Variants in NCAM2 observed in about 807,000 individuals in gnomAD.
The protein encoded by NCAM2 is neural cell adhesion molecule 2.
A neutral mutation model predicts 98.1 loss-of-function variants in NCAM2; 30 were observed. The ratio of observed to expected loss-of-function variants is 0.31; its 90% CI spans 0.23 to 0.41. The LOEUF (loss-of-function observed/expected upper bound fraction) is 0.41, where lower values mean the gene tolerates loss of function less well. Ranked by LOEUF, NCAM2 falls within the 10% of genes least tolerant of loss-of-function variation. The probability of loss-of-function intolerance (pLI) is 1.00; values close to 1 mark genes in which losing one functional copy is unlikely to be tolerated. For synonymous variants in NCAM2, 368 were observed against 342.4 expected, an observed-to-expected ratio of 1.07 and a Z score of -0.83; for missense variants, 867 against 1,005.8, an observed-to-expected ratio of 0.86 and a Z score of 1.87.
intron 1 of NCAM2, among the ~76,000 whole-genome samples, chr21:21,013,527 AT>A (rs1261005280): frequency 1.3e-5 from 2 of 152,150 alleles, no homozygotes; most frequent in Non-Finnish European, 2.9e-5. Flanking sequence ...CACACCTGTA[AT>A]TTCAGCACTT....
chr21:21,256,883 T>C (rs1022279590), intron 1 of NCAM2, among the ~76,000 whole-genome samples: 1 of 152,192 alleles, frequency 6.6e-6, no homozygotes, highest in African/African-American at 2.4e-5. Context: ...TGACCTCAAA[T>C]GGAGTGTACT....
At chr21:21,322,260 ATG>A in intron 5 of NCAM2, among the ~76,000 whole-genome samples, 1 of 152,300 alleles carries the variant, frequency 6.6e-6, no homozygotes, top group Admixed American at 6.5e-5. Context: ...TTGAATGCCC[ATG>A]GACATAAAGA....
At chr21:21,181,389 A>G (rs920306427) in intron 1 of NCAM2, among the ~76,000 whole-genome samples, 7 of 152,182 alleles carry the variant, frequency 4.6e-5, no homozygotes, top group African/African-American at 9.6e-5. Flanking sequence ...CCTATTTGGT[A>G]TGAGAATGAA....
At chr21:21,210,660 A>T (rs769035699) in intron 1 of NCAM2, 12 of 1,279,586 alleles carry the variant, frequency 9.4e-6, no homozygotes, top group African/African-American at 1.5e-5. Context: ...TTTATCTTGA[A>T]GAAGGGCAAC....
At chr21:21,180,584 A>G (rs913019182) in intron 1 of NCAM2, among the ~76,000 whole-genome samples, 1 of 152,188 alleles carries the variant, frequency 6.6e-6, no homozygotes, top group Admixed American at 6.5e-5. Flanking sequence ...TGTGTTGAAG[A>G]TATAGATGTT....
chr21:21,133,117 A>C (rs1432732802), intron 1 of NCAM2, among the ~76,000 whole-genome samples: 2 of 152,212 alleles, frequency 1.3e-5, no homozygotes, highest in Admixed American at 1.3e-4. Flanking sequence ...ATTTTTATAC[A>C]ACATTCCATT....
At chr21:21,166,676 C>T (rs1481432343) in intron 1 of NCAM2, among the ~76,000 whole-genome samples, 1 of 152,158 alleles carries the variant, frequency 6.6e-6, no homozygotes, top group Non-Finnish European at 1.5e-5. Context: ...TAATATTATA[C>T]ATTGCTAGAG....
At chr21:21,291,785 C>G (rs2073305731) in intron 4 of NCAM2, among the ~76,000 whole-genome samples, 2 of 151,776 alleles carry the variant, frequency 1.3e-5, no homozygotes, top group South Asian at 4.1e-4. Context: ...CCTAATCTCT[C>G]TGCATTGTTC....
At chr21:21,212,160 G>C (rs1276402955) in intron 1 of NCAM2, among the ~76,000 whole-genome samples, 1 of 152,162 alleles carries the variant, frequency 6.6e-6, no homozygotes, top group South Asian at 2.1e-4. Context: ...CAACCCATAT[G>C]TCCTTCAAGA....
chr21:21,129,737 T>C (rs1026283559), intron 1 of NCAM2, among the ~76,000 whole-genome samples: 6 of 152,168 alleles, frequency 3.9e-5, no homozygotes, highest in Admixed American at 2.0e-4. Flanking sequence ...GGTTTCAATA[T>C]ATGAATTTTA....
At chr21:21,155,047 G>C (rs2067571147) in intron 1 of NCAM2, among the ~76,000 whole-genome samples, 1 of 151,388 alleles carries the variant, frequency 6.6e-6, no homozygotes, top group South Asian at 2.1e-4. Flanking sequence ...AAAAAACAGG[G>C]GTAAATGCAG....
intron 1 of NCAM2, among the ~76,000 whole-genome samples, chr21:21,213,279 C>T (rs2069733723): frequency 6.6e-6 from 1 of 152,114 alleles, no homozygotes; most frequent in Non-Finnish European, 1.5e-5. Flanking sequence ...TATTTAACTT[C>T]TAACGTTAAT....
chr21:21,491,401 C>T (rs1245838019), intron 15 of NCAM2, among the ~76,000 whole-genome samples: 1 of 151,670 alleles, frequency 6.6e-6, no homozygotes, highest in African/African-American at 2.4e-5. Context: ...TTCTCCAGTT[C>T]CTTTGGTCAT....
intron 5 of NCAM2, among the ~76,000 whole-genome samples, chr21:21,308,553 G>T (rs886985010): frequency 1.2e-4 from 18 of 151,856 alleles, no homozygotes; most frequent in African/African-American, 4.4e-4. Flanking sequence ...AGAGATTTTT[G>T]CTTTATCGCT....
At chr21:21,423,165 G>C (rs969691765) in intron 11 of NCAM2, among the ~76,000 whole-genome samples, 2 of 152,024 alleles carry the variant, frequency 1.3e-5, no homozygotes, top group Admixed American at 1.3e-4. Context: ...AATTGATGCA[G>C]GTTTCTGATA....
intron 1 of NCAM2, among the ~76,000 whole-genome samples, chr21:21,083,747 A>C (rs939482111): frequency 5.9e-5 from 9 of 152,134 alleles, no homozygotes; most frequent in African/African-American, 2.2e-4. Context: ...TTTTGAGATA[A>C]TTATGGATTC....
intron 1 of NCAM2, among the ~76,000 whole-genome samples, chr21:21,200,751 A>ATTTTTT (rs58162973): frequency 1.7e-4 from 18 of 108,660 alleles, no homozygotes; most frequent in East Asian, 1.6e-3. Context: ...GGGGCCCTTC[A>ATTTTTT]TTTTTTTTTT....
At chr21:21,314,098 C>G (rs2074142141) in intron 5 of NCAM2, among the ~76,000 whole-genome samples, 1 of 152,040 alleles carries the variant, frequency 6.6e-6, no homozygotes, top group Admixed American at 6.6e-5. Flanking sequence ...ACATATTTCT[C>G]AGATATTTAC....
At chr21:21,146,972 G>A in intron 1 of NCAM2, 1 of 600,342 alleles carries the variant, frequency 1.7e-6, no homozygotes, top group Non-Finnish European at 2.1e-6. Flanking sequence ...TTCTACTCCG[G>A]AACTCAGACC....
Sources: allele counts gnomAD v4.1 joint callset (sites outside exome capture counted in the v4.1 genomes callset), GRCh38; gene constraint gnomAD v4.1.1; transcripts MANE v1.5; gene names NCBI Gene and HGNC (gene_info 2026-07-23, HGNC 2026-07-21).